Variants in WNT2 observed in about 807,000 individuals in gnomAD.
WNT2 encodes the protein protein Wnt-2.
A neutral mutation model predicts 36.9 loss-of-function variants in WNT2; 12 were observed. The ratio of observed to expected loss-of-function variants is 0.33; its 90% confidence interval spans 0.21 to 0.53. The LOEUF (loss-of-function observed/expected upper bound fraction) is 0.53, where lower values mean the gene tolerates loss of function less well. Ranked by LOEUF, WNT2 falls within the 20% of genes least tolerant of loss-of-function variation. The probability of loss-of-function intolerance (pLI) is 0.95; values close to 1 mark genes in which losing one functional copy is unlikely to be tolerated. For missense variants in WNT2, 379 were observed against 473.1 expected, an observed-to-expected ratio of 0.80 and a Z score of 1.84; for synonymous variants, 163 against 174.6, an observed-to-expected ratio of 0.93 and a Z score of 0.52.
intron 4 of WNT2, among the ~76,000 whole-genome samples, chr7:117,280,120 G>A (rs572869962): frequency 1.3e-5 from 2 of 152,158 alleles, no homozygotes; most frequent in East Asian, 1.9e-4. Flanking sequence ...AAGACTGGCC[G>A]GGGAACTTCA....
intron 2 of WNT2, among the ~76,000 whole-genome samples, chr7:117,316,058 A>C (rs555816704): frequency 6.6e-6 from 1 of 152,318 alleles, no homozygotes; most frequent in South Asian, 2.1e-4. Flanking sequence ...TTTCTTCTGG[A>C]ACACCTGCAC....
chr7:117,281,049 GA>G (rs1262287143), intron 4 of WNT2, among the ~76,000 whole-genome samples: 1 of 152,208 alleles, frequency 6.6e-6, no homozygotes, highest in Non-Finnish European at 1.5e-5. Context: ...TAGCATTAGA[GA>G]TAGGTGTAAA....
chr7:117,285,598 C>T (rs973774541), intron 4 of WNT2, among the ~76,000 whole-genome samples: 2 of 152,158 alleles, frequency 1.3e-5, no homozygotes, highest in Non-Finnish European at 2.9e-5. Context: ...GTGTAGCTGG[C>T]TCTTAAAAAT....
At chr7:117,297,974 A>G (rs1794826923) in intron 3 of WNT2, 98 bp from the exon 4 acceptor site, 23 of 1,457,494 alleles carry the variant, frequency 1.6e-5, no homozygotes, top group Non-Finnish European at 2.1e-5. Context: ...GATTCTCAGG[A>G]TGCTGGATCC....
chr7:117,287,170 G>A lies in WNT2; in HGVS notation c.854-8786C>T, dbSNP rs144967368. 6.6e-3 allele frequency among the ~76,000 whole-genome samples: 1,010 copies of A among 152,212 alleles called. 13 individuals carry two copies. Among genetic ancestry groups the A allele is most frequent in the African/African-American group, 0.023 (946 of 41,516 alleles). On this transcript the variant is annotated intron_variant, in intron 4 of 4. Transcript: ENST00000265441. Reference sequence around the variant, plus strand: ...GAGACCATCTTGGCCAACATGGTGAGACCCTGTCCCTATTAAAAATACAAA... The same window carrying A: ...GAGACCATCTTGGCCAACATGGTGAAACCCTGTCCCTATTAAAAATACAAA...
In WNT2 at chr7:117,290,522, C is replaced by T. The variant is rs1007005713; in HGVS notation, c.853+7090G>A. On this transcript the variant is annotated intron_variant, in intron 4 of 4. Transcript: ENST00000265441. ...CAGTGAAACATTTTTTTCTACAATT[C>T]TCTTCTGGTCTAGCTATCTTAGCAC... 2.9e-4 allele frequency among the ~76,000 whole-genome samples: 44 copies of T among 152,174 alleles called. 1 individual carries two copies.
intron 3 of WNT2, among the ~76,000 whole-genome samples, chr7:117,311,637 C>T (rs1795124353): frequency 6.6e-6 from 1 of 152,166 alleles, no homozygotes. Context: ...TAGAAGATGA[C>T]TCTATAGATA....
At chr7:117,303,136 C>T (rs1794939416) in intron 3 of WNT2, among the ~76,000 whole-genome samples, 1 of 152,218 alleles carries the variant, frequency 6.6e-6, no homozygotes, top group East Asian at 1.9e-4. Context: ...CTTGTGGTTC[C>T]TCAGTTGATT....
At chr7:117,279,029 G>A (rs1475389302) in intron 4 of WNT2, among the ~76,000 whole-genome samples, 2 of 152,168 alleles carry the variant, frequency 1.3e-5, no homozygotes, top group Non-Finnish European at 2.9e-5. Context: ...ACATATAGAT[G>A]TGTGTGAGGT....
At chr7:117,279,006 G>A (rs1340674571) in intron 4 of WNT2, among the ~76,000 whole-genome samples, 3 of 152,204 alleles carry the variant, frequency 2.0e-5, no homozygotes, top group African/African-American at 7.2e-5. Flanking sequence ...CTCTCCTGCT[G>A]CAGTCTAGCA....
chr7:117,319,525 G>T (rs374475546), intron 2 of WNT2, among the ~76,000 whole-genome samples: 2 of 147,750 alleles, frequency 1.4e-5, no homozygotes, highest in African/African-American at 5.0e-5. Context: ...TAGGAATTGG[G>T]GGGGGGGGTA....
rs1795308763 is a variant in WNT2 at position 117,320,762 on chromosome 7, C to T, written c.115G>A (p.Val39Met). 3.7e-6 allele frequency: 6 copies of T among 1,612,808 alleles called. No individual in the cohort carries two copies. Among genetic ancestry groups the T allele is most frequent in the Non-Finnish European group, 5.1e-6 (6 of 1,179,900 alleles). Reference sequence around the variant, plus strand: ...AGGCCTGGCACATTATCGCACATCACCCTGGAGGAGCCACCTGTAGCTCTC... The same window carrying T: ...AGGCCTGGCACATTATCGCACATCATCCTGGAGGAGCCACCTGTAGCTCTC... ...YMRATGGSSR[V>M]MCDNVPGLVS... The change falls in exon 2 of 5, where the codon GTG (valine) becomes ATG (methionine). Residue 39 changes from valine to methionine, a missense_variant. Val to Met is a conservative substitution (Grantham distance 21). Transcript: ENST00000265441.
chr7:117,284,046 A>G lies in WNT2; in HGVS notation c.854-5662T>C, dbSNP rs1563198064. On this transcript the variant is annotated intron_variant, in intron 4 of 4. Coordinates refer to ENST00000265441, the MANE Select transcript of WNT2 (RefSeq NM_003391.3). This position sits in a 1 kb window ranked among gnomAD's most constrained non-coding sequence, Gnocchi z 5.2. ...GAAGGGAGGATGAGGCTGCCTAGTG[A>G]TGGATGACAAATTGGCCCTGTTTGG... 6.6e-6 allele frequency among the ~76,000 whole-genome samples: 1 copy of G among 152,272 alleles called. No individual in the cohort carries two copies. Among genetic ancestry groups the G allele is most frequent in the African/African-American group, 2.4e-5 (1 of 41,556 alleles).
At chr7:117,315,039 C>T (rs778461100) in intron 3 of WNT2, 32 bp downstream of exon 3, 9 of 1,608,236 alleles carry the variant, frequency 5.6e-6, no homozygotes, top group Non-Finnish European at 7.6e-6. Flanking sequence ...AGCCATGCAG[C>T]CTACAAAATG....
chr7:117,300,385 C>G (rs768802402), intron 3 of WNT2, among the ~76,000 whole-genome samples: 24 of 152,134 alleles, frequency 1.6e-4, no homozygotes, highest in Non-Finnish European at 2.5e-4. Flanking sequence ...TGGGGTTTCA[C>G]CATGTTGGCC....
At chr7:117,300,587 C>T (rs1794885560) in intron 3 of WNT2, among the ~76,000 whole-genome samples, 2 of 152,104 alleles carry the variant, frequency 1.3e-5, no homozygotes, top group African/African-American at 4.8e-5. Flanking sequence ...ATCACTTGAT[C>T]CCAGGAGTTC....
chr7:117,311,922 C>T (rs190732705), intron 3 of WNT2, among the ~76,000 whole-genome samples: 1 of 152,210 alleles, frequency 6.6e-6, no homozygotes, highest in African/African-American at 2.4e-5. Context: ...ATTTGAAGTC[C>T]CATGTTCTTT....
intron 4 of WNT2, among the ~76,000 whole-genome samples, chr7:117,280,480 G>C (rs1794461583): frequency 6.6e-6 from 1 of 152,150 alleles, no homozygotes; most frequent in Admixed American, 6.5e-5. Context: ...ATATGGCGCA[G>C]AGTTAAATAT....
At chr7:117,309,265 C>T (rs1053844915) in intron 3 of WNT2, among the ~76,000 whole-genome samples, 3 of 152,090 alleles carry the variant, frequency 2.0e-5, no homozygotes, top group Non-Finnish European at 4.4e-5. Flanking sequence ...AGTACAACAT[C>T]CACTTCTGTT....
Sources: gnomAD v4.1 joint callset for allele counts (sites outside exome capture counted in the v4.1 genomes callset) on GRCh38, gnomAD v4.1.1 for gene constraint, Gnocchi (gnomAD v3.1) non-coding constraint, MANE v1.5 for transcripts, NCBI Gene and HGNC (gene_info 2026-07-23, HGNC 2026-07-21) for gene names.